Variants in DDX55 observed in about 807,000 individuals in gnomAD.
DDX55 encodes the protein DEAD-box helicase 55, also known as ATP-dependent RNA helicase DDX55.
Under a neutral mutation model 69.2 loss-of-function variants are expected in DDX55, and 56 were observed. That is an observed-to-expected ratio of 0.81 (90% CI 0.65 to 1.01). DDX55 has a LOEUF of 1.01. DDX55 is among the 50% of genes least tolerant of loss of function. The pLI is 0.00. For synonymous variants in DDX55, 268 were observed against 273.1 expected, an observed-to-expected ratio of 0.98 and a Z score of 0.18; for missense variants, 720 against 745.1, an observed-to-expected ratio of 0.97 and a Z score of 0.39.
At position 123,613,257 on chromosome 12, in the gene DDX55, T is replaced by C; in HGVS notation, c.824+5T>C. The C allele has an allele frequency of 1.2e-6, 2 of 1,614,004 alleles. No individual in the cohort carries two copies. The highest frequency in any genetic ancestry group is 1.3e-5 in the African/African-American group (1 of 75,040). On this transcript the variant is annotated splice_donor_5th_base_variant and intron_variant, in intron 8 of 13. Coordinates refer to ENST00000238146, the MANE Select transcript of DDX55 (RefSeq NM_020936.3). Reference sequence around the variant, plus strand: ...GAAACACCTGGTCTTCTTCAGGTACTCCTCTGGTCTCTGTGGTAGAGGCAT... The same window carrying C: ...GAAACACCTGGTCTTCTTCAGGTACCCCTCTGGTCTCTGTGGTAGAGGCAT...
chr12:123,615,455 G>C (rs1334041946), intron 9 of DDX55, 139 bp downstream of exon 9: 8 of 1,268,594 alleles, frequency 6.3e-6, no homozygotes, highest in Non-Finnish European at 8.6e-6. Context: ...CTCTAATCTG[G>C]TTATCACATC....
intron 10 of DDX55, 104 bp downstream of exon 10, chr12:123,616,707 A>G: frequency 2.4e-6 from 3 of 1,246,094 alleles, no homozygotes. Context: ...GAAACATTTT[A>G]TAGCAAGCCT....
intron 6 of DDX55, 57 bp from the exon 7 acceptor site, chr12:123,609,882 C>A: frequency 1.9e-6 from 3 of 1,567,530 alleles, no homozygotes; most frequent in Non-Finnish European, 2.6e-6. Flanking sequence ...TCGTGAAGCA[C>A]TGTGTGTTGA....
Position 123,619,976 on chromosome 12 carries a change from G to T in DDX55, c.1639G>T (p.Glu547Ter). ...CTTCTGCACTTAGGGTTCTGATATT[G>T]AAGATGAGGACATGGAAGAACTTCT... ...KRKREEGSDI[E>*]DEDMEELLND... is the part of the protein sequence containing the mutation. The change falls in exon 14 of 14, where the codon GAA becomes TAA. Residue 547 changes from glutamate to a stop codon, truncating the protein, a stop_gained. Coordinates refer to ENST00000238146, the MANE Select transcript of DDX55 (RefSeq NM_020936.3). LOFTEE classifies it high-confidence loss of function. 6.2e-7 allele frequency: 1 copy of T among 1,613,000 alleles called. No individual in the cohort carries two copies. Among genetic ancestry groups the T allele is most frequent in the South Asian group, 1.1e-5 (1 of 90,912 alleles).
chr12:123,606,206 T>A (rs1953882469), intron 3 of DDX55, 47 bp downstream of exon 3: 1 of 1,601,118 alleles, frequency 6.2e-7, no homozygotes, highest in Non-Finnish European at 8.5e-7. Context: ...ATCAGAGAGT[T>A]CACATTGGAT....
intron 11 of DDX55, chr12:123,618,073 A>T: frequency 3.8e-6 from 2 of 520,244 alleles, no homozygotes; most frequent in Non-Finnish European, 6.8e-6. Flanking sequence ...CTGGAGTGCA[A>T]TGGCACTATC....
At chr12:123,607,266 C>T (rs544370805) in intron 3 of DDX55, among the ~76,000 whole-genome samples, 166 bp from the exon 4 acceptor site, 26 of 152,270 alleles carry the variant, frequency 1.7e-4, no homozygotes, top group African/African-American at 5.5e-4. Flanking sequence ...GACGAGTAAC[C>T]GTAATTCAAA....
chr12:123,606,799 C>T (rs1280982501), intron 3 of DDX55, among the ~76,000 whole-genome samples: 1 of 152,130 alleles, frequency 6.6e-6, no homozygotes, highest in Admixed American at 6.6e-5. Context: ...TGGTCTTAAA[C>T]TCCTGGGCTC....
At position 123,620,529 on chromosome 12, in the gene DDX55, AATAG is replaced by A. The variant is rs1401997522; in HGVS notation, c.*392_*395del. 1.3e-5 allele frequency: 2 copies of A among 149,406 alleles called. No individual in the cohort carries two copies. The highest frequency in any genetic ancestry group is 2.9e-5 in the Non-Finnish European group (2 of 69,288). The allele number at this position is 149,406 out of a possible 1,614,324, so 9.3% of individuals were successfully genotyped here. A position where few individuals can be genotyped will look rare whatever the true frequency, so the allele number is the denominator to read the frequency against. On this transcript the variant is annotated 3_prime_UTR_variant, in exon 14 of 14. Transcript: ENST00000238146. ...AATGTAAAATTATTTGAGTGTAAAT[AATAG>A]ATGTCAGTATTTATCATGATGGGTC...
Position 123,618,746 on chromosome 12 carries a change from C to CA in DDX55, c.1243dup (p.Arg415LysfsTer5). 2 of 1,614,102 alleles carry CA rather than the reference C, an allele frequency of 1.2e-6. No homozygotes were observed. Among genetic ancestry groups the CA allele is most frequent in the Non-Finnish European group, 1.7e-6 (2 of 1,180,028 alleles). On this transcript the variant is annotated frameshift_variant, in exon 12 of 14. Transcript: ENST00000238146. LOFTEE classifies it high-confidence loss of function. ...AACTCAAGTCCATGGCCCTGGCTGA[C>CA]AGAGCTGTGTTTGAAAAGGGCATGA...
At position 123,619,607 on chromosome 12, in the gene DDX55, AAG is replaced by A; in HGVS notation, c.1515_1516del (p.Lys506AsnfsTer4). The A allele has an allele frequency of 6.2e-7, 1 of 1,613,980 alleles. No individual in the cohort carries two copies. Among genetic ancestry groups the A allele is most frequent in the Non-Finnish European group, 8.5e-7 (1 of 1,180,014 alleles). On this transcript the variant is annotated frameshift_variant, in exon 13 of 14. Transcript: ENST00000238146. LOFTEE classifies it high-confidence loss of function. Reference sequence around the variant, plus strand: ...GGCAGAAACTCCTGGAGCAACAAAGAAGAGAGAAAACAGAAAATGAAGGGAGA... The same window carrying A: ...GGCAGAAACTCCTGGAGCAACAAAGAAGAGAAAACAGAAAATGAAGGGAGA... The part of the protein sequence containing the change: ...QRQKLLEQQR[R>X]EKTENEGRRK...
In DDX55 at chr12:123,620,139, G is replaced by A. The variant is rs3204541; in HGVS notation, c.1802G>A (p.Ter601=). 0.27 allele frequency: 443,444 copies of A among 1,612,604 alleles called. 64,521 individuals are homozygous for A. The highest frequency in any genetic ancestry group is 0.42 in the African/African-American group (31,367 of 74,872). Residue 601 remains the stop codon, a stop_retained_variant, in exon 14 of 14, where the codon TGA becomes TAA. Transcript: ENST00000238146. ...LGISDLEDDC[*] The stretch of plus-strand genomic sequence containing the variant: ...ATCTCAGATTTGGAAGATGACTGCT[G>A]ATTCCAGTGCCACAGATGAACCCAC...
chr12:123,619,531 A>C lies in DDX55; in HGVS notation c.1433A>C (p.Asp478Ala). 1 of 1,614,058 alleles carries C rather than the reference A, an allele frequency of 6.2e-7. No individual in the cohort carries two copies. Among genetic ancestry groups the C allele is most frequent in the East Asian group, 2.2e-5 (1 of 44,882 alleles). The change falls in exon 13 of 14, where the codon GAC becomes GCC. Residue 478 changes from aspartate to alanine, a missense_variant. Coordinates refer to ENST00000238146, the MANE Select transcript of DDX55 (RefSeq NM_020936.3). ...CAGTTTCCAGATTTTGTGCCCGTGG[A>C]CGTTAATACCGACACGATTCCATTT... ...GKQFPDFVPVDVNTDTIPFKD... is the reference protein window; with the variant it reads ...GKQFPDFVPVAVNTDTIPFKD...
intron 3 of DDX55, among the ~76,000 whole-genome samples, chr12:123,606,466 C>A (rs943732085): frequency 6.6e-6 from 1 of 152,208 alleles, no homozygotes; most frequent in Admixed American, 6.5e-5. Flanking sequence ...ATTTAGAACA[C>A]CCCAGTGGAT....
intron 1 of DDX55, 104 bp downstream of exon 1, chr12:123,602,360 C>A: frequency 9.2e-7 from 1 of 1,091,138 alleles, no homozygotes; most frequent in Non-Finnish European, 1.3e-6. Context: ...CTGGGGCGCT[C>A]ATCCCTCCAG....
chr12:123,607,409 G>A (rs1197226345), intron 3 of DDX55, 23 bp from the exon 4 acceptor site: 1 of 1,613,040 alleles, frequency 6.2e-7, no homozygotes, highest in Non-Finnish European at 8.5e-7. Flanking sequence ...TGCTGACTGT[G>A]TCCCTTCCTT....
At chr12:123,604,207 G>A (rs532947703) in intron 1 of DDX55, among the ~76,000 whole-genome samples, 1 of 152,246 alleles carries the variant, frequency 6.6e-6, no homozygotes, top group African/African-American at 2.4e-5. Flanking sequence ...AGGAGTTCAA[G>A]ACCAGCCTGA....
intron 2 of DDX55, 25 bp downstream of exon 2, chr12:123,606,006 C>T: frequency 6.2e-7 from 1 of 1,614,142 alleles, no homozygotes; most frequent in Non-Finnish European, 8.5e-7. Flanking sequence ...TATGTGCAGC[C>T]TGTCCTCGTG....
chr12:123,619,691 G>A lies in DDX55; in HGVS notation c.1593G>A (p.Lys531=), dbSNP rs1317267850. Residue 531 remains lysine, a synonymous_variant, in exon 13 of 14, where the codon AAG becomes AAA. Transcript: ENST00000238146. ...AGCAGAAGGCCAAAAAAGAAAAGAA[G>A]AAAAAAATGAATGAGAAAAGGAAAA... ...WSKQKAKKEK[K]KKMNEKRKRE... is the part of the protein sequence containing the mutation. 2 of 1,572,346 alleles carry A rather than the reference G, an allele frequency of 1.3e-6. No individual in the cohort carries two copies. The highest frequency in any genetic ancestry group is 4.1e-5 in the Admixed American group (2 of 48,676).
Sources: gnomAD v4.1 joint callset for allele counts (sites outside exome capture counted in the v4.1 genomes callset) on GRCh38, gnomAD v4.1.1 for gene constraint, MANE v1.5 for transcripts, NCBI Gene and HGNC (gene_info 2026-07-23, HGNC 2026-07-21) for gene names.